CSMD1: variants seen among roughly 807,000 people sequenced by gnomAD.
CSMD1 encodes the protein CUB and Sushi multiple domains 1.
CSMD1 carries 213 observed loss-of-function variants against 417.5 expected under a neutral mutation model. That is an observed-to-expected ratio of 0.51 (90% CI 0.46 to 0.57). The LOEUF (loss-of-function observed/expected upper bound fraction) is 0.57, where lower values mean the gene tolerates loss of function less well. Among genes scored for constraint, CSMD1 ranks in the 20% least tolerant of loss-of-function variants. The pLI, the probability that CSMD1 is intolerant of heterozygous loss-of-function variation, is 0.00. For missense variants in CSMD1, 6,923 were observed against 4,529.7 expected, an observed-to-expected ratio of 1.53 and a Z score of -15.17; for synonymous variants, 2,862 against 1,736.8, an observed-to-expected ratio of 1.65 and a Z score of -16.11.
chr8:4,838,800 A>C (rs1382475477), intron 1 of CSMD1, among the ~76,000 whole-genome samples: 1 of 152,196 alleles, frequency 6.6e-6, no homozygotes, highest in East Asian at 1.9e-4. Context: ...ACCGACAGAC[A>C]CTGGCTCCCA....
intron 38 of CSMD1, among the ~76,000 whole-genome samples, chr8:3,160,793 C>G (rs1337657199): frequency 6.6e-6 from 1 of 152,140 alleles, no homozygotes; most frequent in Non-Finnish European, 1.5e-5. Context: ...ACCCATGTCC[C>G]ACGGTTGATC....
chr8:3,980,291 C>T (rs1045227934), intron 5 of CSMD1, among the ~76,000 whole-genome samples: 1 of 152,160 alleles, frequency 6.6e-6, no homozygotes, highest in African/African-American at 2.4e-5. Context: ...CGACCACAGC[C>T]CAATGCTATT....
chr8:2,992,259 G>C (rs1806459746), intron 54 of CSMD1, among the ~76,000 whole-genome samples: 1 of 152,086 alleles, frequency 6.6e-6, no homozygotes, highest in African/African-American at 2.4e-5. Flanking sequence ...AGGTAGAGGA[G>C]TAGGGAAATG....
intron 2 of CSMD1, among the ~76,000 whole-genome samples, chr8:4,587,408 TATGTATATGTAC>T (rs1018861914): frequency 1.0e-4 from 8 of 76,548 alleles, no homozygotes; most frequent in Non-Finnish European, 2.0e-4. Context: ...TGTGGATATA[TATGTATATGTAC>T]ATGTATATGT....
At chr8:4,675,653 G>A (rs1805636057) in intron 1 of CSMD1, among the ~76,000 whole-genome samples, 1 of 152,098 alleles carries the variant, frequency 6.6e-6, no homozygotes, top group African/African-American at 2.4e-5. Flanking sequence ...ATATCTTTCT[G>A]GCAATCTCAA....
At chr8:3,542,416 C>T (rs1201421994) in intron 10 of CSMD1, among the ~76,000 whole-genome samples, 12 of 152,118 alleles carry the variant, frequency 7.9e-5, no homozygotes, top group African/African-American at 1.7e-4. Flanking sequence ...TTCCAGATAC[C>T]GTTCTACGAT....
intron 3 of CSMD1, among the ~76,000 whole-genome samples, chr8:4,228,886 T>G (rs904549715): frequency 3.1e-4 from 47 of 152,182 alleles, no homozygotes; most frequent in African/African-American, 1.1e-3. Context: ...TTCCCCAAGT[T>G]GGCCAGGCTG....
At chr8:3,790,961 G>C (rs1053655600) in intron 5 of CSMD1, among the ~76,000 whole-genome samples, 7 of 152,182 alleles carry the variant, frequency 4.6e-5, no homozygotes, top group African/African-American at 7.2e-5. Flanking sequence ...TCACAGGAAA[G>C]ATGGTCAAAA....
chr8:3,289,080 A>C (rs1241888938), intron 25 of CSMD1, among the ~76,000 whole-genome samples: 4 of 146,614 alleles, frequency 2.7e-5, no homozygotes, highest in Non-Finnish European at 5.9e-5. Flanking sequence ...TGCGGTATTT[A>C]GTTTTTTGTC....
intron 3 of CSMD1, among the ~76,000 whole-genome samples, chr8:4,163,129 A>G (rs1202637047): frequency 6.6e-6 from 1 of 152,200 alleles, no homozygotes; most frequent in East Asian, 1.9e-4. Flanking sequence ...TTATCATTTC[A>G]CCTACCGAAG....
intron 7 of CSMD1, among the ~76,000 whole-genome samples, chr8:3,690,218 G>T (rs1346031732): frequency 1.3e-5 from 2 of 152,132 alleles, no homozygotes; most frequent in African/African-American, 4.8e-5. Context: ...AATTAGCCAG[G>T]CATGGTGGTG....
At chr8:4,219,646 C>G (rs146473351) in intron 3 of CSMD1, among the ~76,000 whole-genome samples, 53 of 152,314 alleles carry the variant, frequency 3.5e-4, no homozygotes, top group African/African-American at 1.3e-3. Context: ...TCTTTGTTCA[C>G]TAATGAAGAG....
At position 3,087,149 on chromosome 8, in the gene CSMD1, T is replaced by C. The variant is rs1814588906; in HGVS notation, c.7422A>G (p.Arg2474=). 2 of 1,613,744 alleles carry C rather than the reference T, an allele frequency of 1.2e-6. No homozygotes were observed. Among genetic ancestry groups the C allele is most frequent in the African/African-American group, 1.3e-5 (1 of 74,918 alleles). Residue 2474 remains arginine (R), a synonymous_variant, in exon 49 of 70, where the codon AGA becomes AGG. Coordinates refer to ENST00000635120, the MANE Select transcript of CSMD1 (RefSeq NM_033225.6). ...RMVGHSNATC[R]RNPLGMYQWD... ...ACTGGTACATGCCAAGTGGGTTTCG[T>C]CTACAGGTTGCATTGCTGTGGCCGA... is the stretch of plus-strand genomic sequence containing the variant.
chr8:3,187,132 C>T (rs143787269), intron 36 of CSMD1, among the ~76,000 whole-genome samples: 11 of 152,182 alleles, frequency 7.2e-5, no homozygotes, highest in Non-Finnish European at 1.6e-4. Context: ...ACTGTGAGGA[C>T]AGTGATGACC....
intron 10 of CSMD1, among the ~76,000 whole-genome samples, chr8:3,518,749 C>G (rs781685681): frequency 1.8e-4 from 27 of 152,100 alleles, no homozygotes; most frequent in Admixed American, 4.6e-4. Context: ...TGGAGAAGAA[C>G]AGTTCATTAC....
At chr8:3,734,438 C>T (rs141515650) in intron 6 of CSMD1, among the ~76,000 whole-genome samples, 8 of 152,150 alleles carry the variant, frequency 5.3e-5, no homozygotes, top group South Asian at 2.1e-4. Flanking sequence ...CTGCCAGGTG[C>T]GATGGCTCAC....
chr8:3,176,476 G>C (rs1022817498), intron 37 of CSMD1, among the ~76,000 whole-genome samples: 35 of 152,110 alleles, frequency 2.3e-4, no homozygotes, highest in Non-Finnish European at 4.0e-4. Flanking sequence ...TTTAGTATTG[G>C]TATAACTATC....
At chr8:3,511,901 T>C (rs1195782729) in intron 10 of CSMD1, among the ~76,000 whole-genome samples, 3 of 112,390 alleles carry the variant, frequency 2.7e-5, no homozygotes, top group East Asian at 2.3e-4. Flanking sequence ...TGTTAGAAAG[T>C]CAAATTAAAA....
chr8:3,122,570 C>A (rs1350770025), intron 41 of CSMD1, among the ~76,000 whole-genome samples: 2 of 152,084 alleles, frequency 1.3e-5, no homozygotes, highest in African/African-American at 4.8e-5. Flanking sequence ...GTGGGAGGGA[C>A]CCAGGGGAGG....
Sources: gnomAD v4.1 joint callset for allele counts (sites outside exome capture counted in the v4.1 genomes callset) on GRCh38, gnomAD v4.1.1 for gene constraint, MANE v1.5 for transcripts, NCBI Gene and HGNC (gene_info 2026-07-23, HGNC 2026-07-21) for gene names.